Variants in GPCPD1 observed in about 807,000 individuals in gnomAD.
GPCPD1 encodes the protein glycerophosphocholine phosphodiesterase GPCPD1.
Under a neutral mutation model 89.2 loss-of-function variants are expected in GPCPD1, and 29 were observed. The observed-to-expected ratio is 0.33, with a 90% confidence interval of 0.24 to 0.44. GPCPD1 has a LOEUF of 0.44. GPCPD1 is among the 20% of genes least tolerant of loss of function. The pLI is 1.00. For synonymous variants in GPCPD1, 258 were observed against 266.3 expected (o/e 0.97, Z 0.30); for missense variants, 594 against 808.9 (o/e 0.73, Z 3.22).
chr20:5,576,277 G>A (rs146588313), intron 8 of GPCPD1, among the ~76,000 whole-genome samples: 6 of 151,972 alleles, frequency 3.9e-5, no homozygotes, highest in South Asian at 2.1e-4. Context: ...AAAATTAGCC[G>A]GGGATGGTGG....
In GPCPD1 at chr20:5,549,229, T is replaced by C. The variant is rs368642491; in HGVS notation, c.1830-1379A>G. On this transcript the variant is annotated intron_variant, in intron 19 of 19. Coordinates refer to ENST00000379019, the MANE Select transcript of GPCPD1 (RefSeq NM_019593.5). Reference sequence around the variant, plus strand: ...CTCAATCACTTTTGGCTAGAGACTCTACTGTGTCTTATTGGAGAATCTTTT... The same window carrying C: ...CTCAATCACTTTTGGCTAGAGACTCCACTGTGTCTTATTGGAGAATCTTTT... The C allele has an allele frequency of 3.3e-3, 2,480 of 740,522 alleles. 36 individuals are homozygous for C. The highest frequency in any genetic ancestry group is 0.016 in the South Asian group (1,174 of 73,442). The allele number at this position is 740,522 out of a possible 1,614,324, so 45.9% of individuals were successfully genotyped here.
intron 12 of GPCPD1, 109 bp downstream of exon 12, chr20:5,570,038 T>G (rs1468880717): frequency 3.4e-5 from 18 of 532,392 alleles, no homozygotes. Context: ...ACCAAGAAAA[T>G]GAATTAACCA....
chr20:5,547,328 A>G lies in GPCPD1; in HGVS notation c.*333T>C, dbSNP rs1195430607. 1 of 155,784 alleles carries G rather than the reference A, an allele frequency of 6.4e-6. No individual in the cohort carries two copies. Among genetic ancestry groups the G allele is most frequent in the Non-Finnish European group, 1.4e-5 (1 of 70,228 alleles). 9.7% of individuals were successfully genotyped at this position (155,784 alleles called of 1,614,324 possible). A position where few individuals can be genotyped will look rare whatever the true frequency, so the allele number is the denominator to read the frequency against. On this transcript the variant is annotated 3_prime_UTR_variant, in exon 20 of 20. Coordinates refer to ENST00000379019, the MANE Select transcript of GPCPD1 (RefSeq NM_019593.5). ...AGACCTGATCAAATGAAAAGCTGTA[A>G]GTGTAAATATGAGCTATTTATATAG...
chr20:5,596,902 C>T (rs1229565415), intron 3 of GPCPD1, among the ~76,000 whole-genome samples: 3 of 152,292 alleles, frequency 2.0e-5, no homozygotes, highest in Middle Eastern at 3.4e-3. Flanking sequence ...TGTACATGCA[C>T]AACATATGAA....
chr20:5,555,784 A>C (rs1414091872), intron 19 of GPCPD1, among the ~76,000 whole-genome samples: 1 of 151,326 alleles, frequency 6.6e-6, no homozygotes, highest in Non-Finnish European at 1.5e-5. Context: ...AACCCAGGAG[A>C]TGGAGGTTGC....
At position 5,584,178 on chromosome 20, in the gene GPCPD1, A is replaced by T. The variant is rs1244428744; in HGVS notation, c.349+103T>A. The T allele has an allele frequency of 6.2e-6, 4 of 640,992 alleles. No homozygotes were observed. In the East Asian group the frequency reaches 1.1e-4, roughly 18 times the overall value. 39.7% of individuals were successfully genotyped at this position (640,992 alleles called of 1,614,324 possible). ...TGACCAAAATATCGTTATGCAGCAC[A>T]TGACTGTATGTTCTATTTTCCTGTG... is the stretch of plus-strand genomic sequence containing the variant. On this transcript the variant is annotated intron_variant, in intron 6 of 19. Transcript: ENST00000379019.
intron 14 of GPCPD1, among the ~76,000 whole-genome samples, chr20:5,565,656 A>C (rs1368254298): frequency 6.6e-6 from 1 of 152,172 alleles, no homozygotes; most frequent in East Asian, 1.9e-4. Flanking sequence ...AAGAGTGATT[A>C]TTTTCTTATA....
chr20:5,591,840 T>C (rs1479916543), intron 4 of GPCPD1, among the ~76,000 whole-genome samples: 2 of 152,194 alleles, frequency 1.3e-5, no homozygotes, highest in South Asian at 2.1e-4. Flanking sequence ...ATACTTACCA[T>C]GGCAGCCCCT....
chr20:5,565,333 T>C (rs991074729), intron 14 of GPCPD1, among the ~76,000 whole-genome samples: 1 of 151,970 alleles, frequency 6.6e-6, no homozygotes. Flanking sequence ...GGCTCAAGCA[T>C]TGATCCTCCA....
chr20:5,587,095 T>G (rs1345829940), intron 4 of GPCPD1, among the ~76,000 whole-genome samples: 2 of 152,196 alleles, frequency 1.3e-5, no homozygotes, highest in Non-Finnish European at 2.9e-5. Flanking sequence ...TGAGTATACC[T>G]AAAAGACTAA....
In GPCPD1 at chr20:5,564,922, C is replaced by T. The variant is rs192799397; in HGVS notation, c.1329+95G>A. 440 of 729,568 alleles carry T rather than the reference C, an allele frequency of 6.0e-4. 2 individuals are homozygous for T. The highest frequency in any genetic ancestry group is 5.7e-5 in the Non-Finnish European group (23 of 402,518). 45.2% of individuals were successfully genotyped at this position (729,568 alleles called of 1,614,324 possible). ...ATTCATATTAACATTGTCTTTAACA[C>T]AGCCTTTTTAGGATCCTTTTAAGAA... On this transcript the variant is annotated intron_variant, in intron 15 of 19. Coordinates refer to ENST00000379019, the MANE Select transcript of GPCPD1 (RefSeq NM_019593.5).
Position 5,546,302 on chromosome 20 carries a change from ACC to A in GPCPD1, c.*1357_*1358del, listed in dbSNP as rs1985022665. ...TTCAAGTCTTAGGTTCTCAGCTACTACCAAAATATGTCAATATATGAATAAAC... is the reference window on the plus strand; with the variant it reads ...TTCAAGTCTTAGGTTCTCAGCTACTAAAAATATGTCAATATATGAATAAAC... On this transcript the variant is annotated 3_prime_UTR_variant, in exon 20 of 20. Coordinates refer to ENST00000379019, the MANE Select transcript of GPCPD1 (RefSeq NM_019593.5). 6.6e-6 allele frequency: 1 copy of A among 152,260 alleles called. No homozygotes were observed. Among genetic ancestry groups the A allele is most frequent in the East Asian group, 1.9e-4 (1 of 5,202 alleles). 9.4% of individuals were successfully genotyped at this position (152,260 alleles called of 1,614,324 possible).
At chr20:5,600,139 A>C (rs75962660) in intron 2 of GPCPD1, among the ~76,000 whole-genome samples, 5,961 of 152,348 alleles carry the variant, frequency 0.039, 162 homozygotes, top group South Asian at 0.063. Flanking sequence ...AGCTTGAGGC[A>C]CTGCTCTAGT....
intron 19 of GPCPD1, among the ~76,000 whole-genome samples, chr20:5,550,891 G>A (rs538508232): frequency 1.8e-4 from 27 of 152,318 alleles, no homozygotes; most frequent in African/African-American, 6.3e-4. Flanking sequence ...GATGACAGCT[G>A]TGCACAATCA....
At chr20:5,551,641 C>G (rs1985416062) in intron 19 of GPCPD1, among the ~76,000 whole-genome samples, 1 of 152,096 alleles carries the variant, frequency 6.6e-6, no homozygotes, top group Admixed American at 6.5e-5. Context: ...AAAACTACAG[C>G]TGGGGCAGGA....
At chr20:5,566,658 G>A (rs1986407832) in intron 14 of GPCPD1, 75 bp downstream of exon 14, 1 of 845,138 alleles carries the variant, frequency 1.2e-6, no homozygotes, top group South Asian at 1.4e-5. Context: ...TATCAAGTAT[G>A]TGCTAAAATC....
chr20:5,608,544 T>C (rs1456514924), intron 1 of GPCPD1, among the ~76,000 whole-genome samples: 2 of 151,698 alleles, frequency 1.3e-5, no homozygotes, highest in African/African-American at 4.8e-5. Flanking sequence ...AAAACAGCAG[T>C]GACCAAGTAA....
intron 3 of GPCPD1, among the ~76,000 whole-genome samples, 189 bp downstream of exon 3, chr20:5,598,536 T>C (rs890064238): frequency 2.6e-5 from 4 of 151,562 alleles, no homozygotes; most frequent in Middle Eastern, 3.4e-3. Context: ...AGGCAGGGAT[T>C]AACAGTAAGA....
intron 19 of GPCPD1, among the ~76,000 whole-genome samples, chr20:5,550,003 G>T (rs942239063): frequency 9.9e-5 from 15 of 151,848 alleles, no homozygotes; most frequent in African/African-American, 3.6e-4. Context: ...GACCAGCCTG[G>T]GCAACATGGC....
Sources: gnomAD v4.1 joint callset for allele counts (sites outside exome capture counted in the v4.1 genomes callset) on GRCh38, gnomAD v4.1.1 for gene constraint, MANE v1.5 for transcripts, NCBI Gene and HGNC (gene_info 2026-07-23, HGNC 2026-07-21) for gene names.